The following DAPK2 variants were observed in gnomAD, a reference collection of about 807,000 sequenced individuals.
DAPK2 encodes the protein death associated protein kinase 2, also known as death-associated protein kinase 2.
In DAPK2, 35 loss-of-function variants were observed where a neutral mutation model predicts 44.1. The observed-to-expected ratio is 0.79, with a 90% confidence interval of 0.61 to 1.05. The LOEUF is 1.05. Ranked by LOEUF, DAPK2 falls within the 50% of genes least tolerant of loss-of-function variation. The pLI, the probability that DAPK2 is intolerant of heterozygous loss-of-function variation, is 0.00. For missense variants in DAPK2, 453 were observed against 483.2 expected (o/e 0.94, Z 0.59); for synonymous variants, 174 against 182.6 (o/e 0.95, Z 0.38).
chr15:63,916,443 C>T lies in DAPK2; in HGVS notation c.859-4246G>A, dbSNP rs1021254794. On this transcript the variant is annotated intron_variant, in intron 8 of 10. Coordinates refer to ENST00000261891, the Ensembl canonical transcript of DAPK2. The surrounding 1 kb of genome is among the most constrained non-coding windows in gnomAD (Gnocchi z 4.7). ...AGTGAAAGCCAGGGCACTCTCACACCCACTTCTCTCCTGCCCAGGACCCCT... is the reference window on the plus strand; with the variant it reads ...AGTGAAAGCCAGGGCACTCTCACACTCACTTCTCTCCTGCCCAGGACCCCT... The T allele has an allele frequency of 6.6e-6, 1 of 152,472 alleles. No individual in the cohort carries two copies. Among genetic ancestry groups the T allele is most frequent in the Non-Finnish European group, 1.5e-5 (1 of 68,210 alleles). 9.4% of individuals were successfully genotyped at this position (152,472 alleles called of 1,614,324 possible). A position where few individuals can be genotyped will look rare whatever the true frequency, so the allele number is the denominator to read the frequency against.
chr15:63,951,262 A>G (rs1350169813), intron 3 of DAPK2, among the ~76,000 whole-genome samples: 1 of 152,126 alleles, frequency 6.6e-6, no homozygotes, highest in Admixed American at 6.6e-5. Context: ...CAAAACAAAC[A>G]CAAAACCACA....
At position 63,908,606 on chromosome 15, in the gene DAPK2, GA is replaced by G. The variant is rs753638020; in HGVS notation, c.1033-7del. On this transcript the variant is annotated splice_region_variant and splice_polypyrimidine_tract_variant and intron_variant, in intron 10 of 10. Coordinates refer to ENST00000261891, the Ensembl canonical transcript of DAPK2. This position sits in a 1 kb window ranked among gnomAD's most constrained non-coding sequence, Gnocchi z 5.7. ...GTGTCACTCTCACAGTTCCTCTGGA[GA>G]AAAAAAAGAGAAAGAGGTCCAGGGC... The G allele has an allele frequency of 1.1e-5, 17 of 1,586,992 alleles. No homozygotes were observed. The highest frequency in any genetic ancestry group is 3.5e-5 in the South Asian group (3 of 86,652).
intron 1 of DAPK2, among the ~76,000 whole-genome samples, chr15:63,985,133 G>T (rs905824975): frequency 6.6e-6 from 1 of 152,230 alleles, no homozygotes; most frequent in Non-Finnish European, 1.5e-5. Context: ...GGGACCAAAG[G>T]CACAGACAAC....
intron 6 of DAPK2, 69 bp downstream of exon 7, chr15:63,929,482 C>G: frequency 6.3e-7 from 1 of 1,592,802 alleles, no homozygotes; most frequent in South Asian, 1.1e-5. Context: ...ATCAGCCTGC[C>G]CCTCTCTCAT....
chr15:64,012,844 T>C (rs1567272937), intron 1 of DAPK2, among the ~76,000 whole-genome samples: 1 of 152,246 alleles, frequency 6.6e-6, no homozygotes, highest in Non-Finnish European at 1.5e-5. Context: ...TGTTATTAAC[T>C]GATTTTCTTT....
intron 1 of DAPK2, among the ~76,000 whole-genome samples, chr15:64,034,437 C>T (rs566050538): frequency 9.2e-5 from 14 of 152,290 alleles, no homozygotes; most frequent in African/African-American, 3.1e-4. Context: ...GCTCCTTCCC[C>T]CGCCGAAGTC....
chr15:64,026,312 C>G (rs2079845637), intron 1 of DAPK2, among the ~76,000 whole-genome samples: 1 of 152,068 alleles, frequency 6.6e-6, no homozygotes, highest in African/African-American at 2.4e-5. Context: ...GGCATGAACT[C>G]TGTTCACTAC....
intron 1 of DAPK2, among the ~76,000 whole-genome samples, chr15:63,985,821 AT>A (rs1214823598): frequency 1.3e-5 from 2 of 152,006 alleles, no homozygotes; most frequent in Non-Finnish European, 2.9e-5. Flanking sequence ...AAACAGTGGC[AT>A]TTTTTTTCTA....
At chr15:63,925,678 G>GCGCACACACA (rs1352051474) in intron 7 of DAPK2, among the ~76,000 whole-genome samples, 48 of 138,544 alleles carry the variant, frequency 3.5e-4, no homozygotes, top group African/African-American at 1.3e-3. Context: ...GACTTGTAGC[G>GCGCACACACA]CACACACACA....
chr15:64,005,769 C>T (rs903374777), intron 1 of DAPK2, among the ~76,000 whole-genome samples: 20 of 152,138 alleles, frequency 1.3e-4, no homozygotes, highest in Admixed American at 6.5e-5. Context: ...TGGTGCGTGC[C>T]TGTAATCCCA....
intron 1 of DAPK2, among the ~76,000 whole-genome samples, chr15:64,014,442 G>T (rs2079468564): frequency 6.6e-6 from 1 of 152,198 alleles, no homozygotes; most frequent in African/African-American, 2.4e-5. Context: ...TAGGTCACTT[G>T]TTCAAAATCA....
chr15:63,958,187 C>T (rs964637749), intron 3 of DAPK2, among the ~76,000 whole-genome samples: 12 of 151,972 alleles, frequency 7.9e-5, no homozygotes, highest in Admixed American at 2.0e-4. Flanking sequence ...CCTTTGTGCA[C>T]TTTTTGATGG....
At chr15:63,949,968 G>C (rs1332047002) in intron 3 of DAPK2, among the ~76,000 whole-genome samples, 1 of 152,160 alleles carries the variant, frequency 6.6e-6, no homozygotes, top group Non-Finnish European at 1.5e-5. Flanking sequence ...AAAGTTTTGA[G>C]GGAAAAAGAC....
intron 1 of DAPK2, among the ~76,000 whole-genome samples, chr15:64,023,079 C>T (rs1329950699): frequency 6.6e-6 from 1 of 152,200 alleles, no homozygotes; most frequent in Non-Finnish European, 1.5e-5. Flanking sequence ...TCTTAACTTA[C>T]TCATCCTTCA....
In DAPK2 at chr15:64,009,122, C is replaced by T. The variant is rs575641963; in HGVS notation, c.93-25368G>A. Among the ~76,000 whole-genome samples the T allele has an allele frequency of 7.2e-5, 11 of 152,212 alleles. No homozygotes were observed. In the South Asian group the frequency reaches 2.1e-3, roughly 29 times the overall value. ...ATTCAGCCCATTTTACTGAAATTCT[C>T]TATATATTATTCTCCCTTAGTAGAC... is the stretch of plus-strand genomic sequence containing the variant. On this transcript the variant is annotated intron_variant, in intron 1 of 10. Coordinates refer to ENST00000261891, the Ensembl canonical transcript of DAPK2.
At chr15:63,934,593 T>A (rs1228986934) in intron 4 of DAPK2, among the ~76,000 whole-genome samples, 1 of 151,308 alleles carries the variant, frequency 6.6e-6, no homozygotes, top group Non-Finnish European at 1.5e-5. Context: ...AGACTCTCAC[T>A]GTTGCCCAGG....
intron 1 of DAPK2, among the ~76,000 whole-genome samples, chr15:63,992,684 A>G (rs1466646728): frequency 6.6e-6 from 1 of 152,208 alleles, no homozygotes; most frequent in Admixed American, 6.5e-5. Flanking sequence ...GAAATACATC[A>G]GGAAGCTGAA....
At chr15:64,009,144 A>G (rs2079318259) in intron 1 of DAPK2, among the ~76,000 whole-genome samples, 1 of 152,130 alleles carries the variant, frequency 6.6e-6, no homozygotes, top group Non-Finnish European at 1.5e-5. Context: ...CTCCCTTAGT[A>G]GACTGTAATT....
exon 3 of DAPK2, chr15:63,971,552 T>C (rs765695763): frequency 6.2e-7 from 1 of 1,614,078 alleles, no homozygotes; most frequent in Non-Finnish European, 8.5e-7. Context: ...AGAGCTCTCC[T>C]CCAGACACTC....
Sources: allele counts gnomAD v4.1 joint callset (sites outside exome capture counted in the v4.1 genomes callset), GRCh38; gene constraint gnomAD v4.1.1; non-coding constraint Gnocchi (gnomAD v3.1); transcripts MANE v1.5; gene names NCBI Gene and HGNC (gene_info 2026-07-23, HGNC 2026-07-21).